The following AGPS variants were observed in gnomAD, a reference collection of about 807,000 sequenced individuals.
AGPS encodes alkyldihydroxyacetonephosphate synthase, peroxisomal.
A neutral mutation model predicts 90.7 loss-of-function variants in AGPS; 26 were observed. That is an observed-to-expected ratio of 0.29 (90% CI 0.21 to 0.40). The LOEUF is 0.40. AGPS is among the 10% of genes least tolerant of loss of function. The pLI is 1.00. For synonymous variants in AGPS, 294 were observed against 285.3 expected, an observed-to-expected ratio of 1.03 and a Z score of -0.31; for missense variants, 540 against 816.1, an observed-to-expected ratio of 0.66 and a Z score of 4.12.
At chr2:177,450,128 C>T (rs769448910) in intron 8 of AGPS, among the ~76,000 whole-genome samples, 74 of 152,142 alleles carry the variant, frequency 4.9e-4, no homozygotes, top group Non-Finnish European at 8.5e-4. Flanking sequence ...TCAGCCACCA[C>T]GCCCAGCCTA....
chr2:177,407,978 T>G (rs886788378), intron 1 of AGPS, among the ~76,000 whole-genome samples: 1 of 151,976 alleles, frequency 6.6e-6, no homozygotes, highest in South Asian at 2.1e-4. Context: ...AGCAGAGTCT[T>G]GAGGTATTGC....
Position 177,393,050 on chromosome 2 carries a change from G to A in AGPS, c.260+1G>A. On this transcript the variant is annotated splice_donor_variant, in intron 1 of 19. Transcript: ENST00000264167. LOFTEE classifies it high-confidence loss of function. ...AGTCGGGCACCATCCCAAAGAAGCG[G>A]TGAGTAGCGGTATGTGGAAGGAGTT... The A allele has an allele frequency of 6.4e-7, 1 of 1,550,408 alleles. No homozygotes were observed. The highest frequency in any genetic ancestry group is 8.7e-7 in the Non-Finnish European group (1 of 1,146,810).
intron 11 of AGPS, among the ~76,000 whole-genome samples, chr2:177,485,189 A>C (rs989975324): frequency 6.6e-6 from 1 of 152,218 alleles, no homozygotes; most frequent in African/African-American, 2.4e-5. Flanking sequence ...TGCCCCTTCA[A>C]TAATATCTCC....
chr2:177,444,703 T>C (rs905881400), intron 7 of AGPS, among the ~76,000 whole-genome samples: 1 of 152,160 alleles, frequency 6.6e-6, no homozygotes, highest in South Asian at 2.1e-4. Flanking sequence ...TGCCGTGAAA[T>C]TGAGCATATG....
chr2:177,437,832 G>A (rs1686462047), intron 5 of AGPS, among the ~76,000 whole-genome samples: 1 of 152,172 alleles, frequency 6.6e-6, no homozygotes. Context: ...TGGAGGGACT[G>A]AGAGAAAAAT....
intron 19 of AGPS, among the ~76,000 whole-genome samples, chr2:177,533,617 T>C (rs999601314): frequency 1.9e-4 from 29 of 152,220 alleles, no homozygotes; most frequent in African/African-American, 6.5e-4. Context: ...AAAAATAATA[T>C]GTTTGTTAAT....
intron 18 of AGPS, among the ~76,000 whole-genome samples, chr2:177,523,130 T>C (rs914207359): frequency 1.3e-5 from 2 of 152,218 alleles, no homozygotes. Context: ...TCCCAAGTCA[T>C]TGACCTAAGA....
chr2:177,428,993 T>A (rs562140094), intron 2 of AGPS, among the ~76,000 whole-genome samples: 63 of 152,158 alleles, frequency 4.1e-4, no homozygotes, highest in Non-Finnish European at 6.9e-4. Flanking sequence ...GTCCCACATT[T>A]CTCAGAGGTT....
chr2:177,416,255 A>G (rs1190989058), intron 1 of AGPS, among the ~76,000 whole-genome samples: 1 of 152,178 alleles, frequency 6.6e-6, no homozygotes, highest in Non-Finnish European at 1.5e-5. Context: ...AGTAAGGCTA[A>G]ATCTAAATAT....
chr2:177,427,794 T>A (rs1465189054), intron 2 of AGPS, among the ~76,000 whole-genome samples: 1 of 152,086 alleles, frequency 6.6e-6, no homozygotes, highest in Admixed American at 6.6e-5. Flanking sequence ...ATGAGAAAAA[T>A]ATATATTTTG....
chr2:177,449,804 A>G (rs2105648948), intron 8 of AGPS, among the ~76,000 whole-genome samples: 1 of 151,374 alleles, frequency 6.6e-6, no homozygotes, highest in Non-Finnish European at 1.5e-5. Context: ...TGCCATCCAT[A>G]TTCTTTATTG....
intron 10 of AGPS, among the ~76,000 whole-genome samples, chr2:177,476,186 C>G (rs1360071168): frequency 7.2e-5 from 11 of 151,786 alleles, no homozygotes; most frequent in Admixed American, 7.2e-4. Context: ...AATTTCACCT[C>G]TAATCTCTAA....
intron 1 of AGPS, among the ~76,000 whole-genome samples, chr2:177,408,179 A>T (rs1389289527): frequency 6.6e-6 from 1 of 152,194 alleles, no homozygotes; most frequent in Non-Finnish European, 1.5e-5. Flanking sequence ...ACTGTGTTTT[A>T]GGCTGATTGT....
chr2:177,441,072 T>C, intron 6 of AGPS, 36 bp downstream of exon 6: 1 of 1,477,082 alleles, frequency 6.8e-7, no homozygotes, highest in East Asian at 2.3e-5. Context: ...AATATGTAAA[T>C]TTGTTCTATT....
chr2:177,419,876 T>A (rs4243388), intron 1 of AGPS, among the ~76,000 whole-genome samples: 2 of 151,466 alleles, frequency 1.3e-5, no homozygotes, highest in African/African-American at 4.8e-5. Flanking sequence ...ATAATTATGA[T>A]TTTTTTCTCA....
chr2:177,491,772 C>A (rs80018498), intron 11 of AGPS, among the ~76,000 whole-genome samples: 5 of 111,316 alleles, frequency 4.5e-5, no homozygotes, highest in East Asian at 3.3e-4. Flanking sequence ...CCCCCCCCCC[C>A]CTTTTTTTTC....
intron 12 of AGPS, among the ~76,000 whole-genome samples, chr2:177,497,298 T>TA (rs903182306): frequency 2.4e-4 from 35 of 147,354 alleles, no homozygotes; most frequent in African/African-American, 5.9e-4. Flanking sequence ...TCTATATAAT[T>TA]AAAAAAAAAA....
chr2:177,428,943 G>A (rs1268257473), intron 2 of AGPS, among the ~76,000 whole-genome samples: 4 of 151,864 alleles, frequency 2.6e-5, no homozygotes, highest in Admixed American at 2.0e-4. Flanking sequence ...CATCTCTTTC[G>A]GGTACCCCAA....
At chr2:177,522,994 G>A (rs1461546464) in intron 18 of AGPS, among the ~76,000 whole-genome samples, 1 of 152,092 alleles carries the variant, frequency 6.6e-6, no homozygotes, top group Non-Finnish European at 1.5e-5. Flanking sequence ...TCTATATTTT[G>A]TTACAAGTGT....
Sources: gnomAD v4.1 joint callset for allele counts (sites outside exome capture counted in the v4.1 genomes callset) on GRCh38, gnomAD v4.1.1 for gene constraint, MANE v1.5 for transcripts, NCBI Gene and HGNC (gene_info 2026-07-23, HGNC 2026-07-21) for gene names.